The following CLEC1B variants were observed in gnomAD, a reference collection of about 807,000 sequenced individuals.
CLEC1B encodes C-type lectin-like receptor 2.
A neutral mutation model predicts 26.7 loss-of-function variants in CLEC1B; 26 were observed. That is an observed-to-expected ratio of 0.97 (90% confidence interval 0.71 to 1.35). The LOEUF (loss-of-function observed/expected upper bound fraction) is 1.35, where lower values mean the gene tolerates loss of function less well. Among genes scored for constraint, CLEC1B ranks in the 40% most tolerant of loss-of-function variants. CLEC1B has a pLI of 0.00. For missense variants in CLEC1B, 293 were observed against 282.6 expected (o/e 1.04, Z -0.26); for synonymous variants, 112 against 96.0 (o/e 1.17, Z -0.97).
intron 1 of CLEC1B, 107 bp downstream of exon 1, chr12:9,998,930 A>G: frequency 3.0e-6 from 2 of 668,902 alleles, no homozygotes; most frequent in Non-Finnish European, 5.0e-6. Flanking sequence ...ACATCATTCA[A>G]GAAAAAGAAA....
Position 9,995,215 on chromosome 12 carries a change from C to A in CLEC1B, c.470G>T (p.Arg157Leu). Reference protein sequence around the residue: ...EYIKARTHLIRWVGLSRQKSN... With the variant: ...EYIKARTHLILWVGLSRQKSN... ...CTTCTGGCGAGATAATCCGACCCAA[C>A]GAATTAAATGAGTCCTGGCTTTGAT... The change falls in exon 5 of 6, where the codon CGT (arginine) becomes CTT (leucine). Residue 157 changes from arginine (R) to leucine (L), a missense_variant. Coordinates refer to ENST00000298527, the MANE Select transcript of CLEC1B (RefSeq NM_016509.4). The A allele has an allele frequency of 1.9e-6, 3 of 1,612,956 alleles. No homozygotes were observed. Among genetic ancestry groups the A allele is most frequent in the Non-Finnish European group, 2.5e-6 (3 of 1,179,132 alleles).
intron 4 of CLEC1B, 130 bp from the exon 5 acceptor site, chr12:9,995,376 A>T: frequency 1.3e-6 from 1 of 782,190 alleles, no homozygotes. Flanking sequence ...TTAATGGATT[A>T]CATTTGATGT....
At chr12:9,994,559 A>G (rs922656031) in intron 5 of CLEC1B, among the ~76,000 whole-genome samples, 1 of 151,996 alleles carries the variant, frequency 6.6e-6, no homozygotes, top group Non-Finnish European at 1.5e-5. Flanking sequence ...ATAGGAAGCA[A>G]CTCCACTCAA....
Position 9,997,275 on chromosome 12 carries a change from G to A in CLEC1B, c.168C>T (p.Val56=), listed in dbSNP as rs537562078. 8 of 1,609,580 alleles carry A rather than the reference G, an allele frequency of 5.0e-6. No homozygotes were observed. In the South Asian group the frequency reaches 5.5e-5, roughly 11 times the overall value. ...VGLVALGIWS[V]MQRNYLQGEN... Reference sequence around the variant, plus strand: ...CACCTTGTAGGTAATTGCGCTGCATGACAGCTAGGTTTAAAAAGTAAATAA... The same window carrying A: ...CACCTTGTAGGTAATTGCGCTGCATAACAGCTAGGTTTAAAAAGTAAATAA... The change falls in exon 3 of 6, where the codon GTC becomes GTT. Residue 56 remains valine (V), a synonymous_variant. Coordinates refer to ENST00000298527, the MANE Select transcript of CLEC1B (RefSeq NM_016509.4).
chr12:10,001,842 T>C (rs983371586), upstream of CLEC1B, among the ~76,000 whole-genome samples: 1 of 152,128 alleles, frequency 6.6e-6, no homozygotes, highest in Non-Finnish European at 1.5e-5. Context: ...TCTCTTCTCC[T>C]TTTCTTCACT....
At chr12:10,000,978 T>C (rs1018175831), upstream of CLEC1B, among the ~76,000 whole-genome samples, 6 of 152,098 alleles carry the variant, frequency 3.9e-5, no homozygotes, top group African/African-American at 1.4e-4. Context: ...TGTGTGGAGG[T>C]TATAGTACAA....
At chr12:9,995,514 AC>A (rs1865022020) in intron 4 of CLEC1B, 1 of 393,356 alleles carries the variant, frequency 2.5e-6, no homozygotes, top group African/African-American at 2.1e-5. Flanking sequence ...TAGATCTTCA[AC>A]CAGTTGAGGA....
chr12:9,996,846 C>T lies in CLEC1B; in HGVS notation c.438G>A (p.Val146=), dbSNP rs1157235583. 1 of 1,613,928 alleles carries T rather than the reference C, an allele frequency of 6.2e-7. No individual in the cohort carries two copies. Among genetic ancestry groups the T allele is most frequent in the East Asian group, 2.2e-5 (1 of 44,876 alleles). ...TLLKIDNRNI[V]EYIKARTHLI... is the part of the protein sequence containing the mutation. ...ATATTTGACATAAGAATCTTCTTAC[C>T]ACAATGTTCCGGTTGTCAATCTTCA... The change falls in exon 4 of 6, where the codon GTG becomes GTA. Residue 146 remains valine, a splice_region_variant and synonymous_variant. Transcript: ENST00000298527.
chr12:9,998,689 A>G (rs548847867), intron 1 of CLEC1B, among the ~76,000 whole-genome samples: 25 of 151,504 alleles, frequency 1.7e-4, no homozygotes, highest in African/African-American at 5.3e-4. Context: ...ATGCTCACCC[A>G]TGCCATAAAT....
At chr12:9,997,974 A>G (rs376260779) in intron 2 of CLEC1B, among the ~76,000 whole-genome samples, 1 of 32,212 alleles carries the variant, frequency 3.1e-5, no homozygotes, top group African/African-American at 9.3e-5. Context: ...GTTCTTAGGA[A>G]TGCAAGATAG....
chr12:9,995,386 T>C (rs576458927), intron 4 of CLEC1B, 140 bp from the exon 5 acceptor site: 4 of 751,942 alleles, frequency 5.3e-6, no homozygotes, highest in Non-Finnish European at 7.1e-6. Context: ...ACATTTGATG[T>C]TTGAAATTGT....
Position 9,993,416 on chromosome 12 carries a change from A to AC in CLEC1B, c.546-130_546-129insG, listed in dbSNP as rs67232026. 182 of 551,760 alleles carry AC rather than the reference A, an allele frequency of 3.3e-4. 1 individual carries two copies. The highest frequency in any genetic ancestry group is 2.7e-3 in the South Asian group (140 of 52,084). 34.2% of individuals were successfully genotyped at this position (551,760 alleles called of 1,614,324 possible). A position where few individuals can be genotyped will look rare whatever the true frequency, so the allele number is the denominator to read the frequency against. On this transcript the variant is annotated intron_variant, in intron 5 of 5. Transcript: ENST00000298527. Reference sequence around the variant, plus strand: ...AATAGGAAAAAAAAACAAAAAAAAAAACGATTCTCATTGTTGAGAAAGTTC... The same window carrying AC: ...AATAGGAAAAAAAAACAAAAAAAAAACACGATTCTCATTGTTGAGAAAGTTC...
At chr12:9,995,504 T>C (rs999668639) in intron 4 of CLEC1B, 12 of 405,854 alleles carry the variant, frequency 3.0e-5, no homozygotes, top group Non-Finnish European at 4.7e-5. Flanking sequence ...AACATGTATT[T>C]AGATCTTCAA....
intron 5 of CLEC1B, 129 bp from the exon 6 acceptor site, chr12:9,993,416 A>C (rs111589963): frequency 3.6e-6 from 2 of 551,760 alleles, no homozygotes; most frequent in Admixed American, 4.0e-5. Flanking sequence ...CAAAAAAAAA[A>C]ACGATTCTCA....
chr12:9,999,264 A>T, upstream of CLEC1B: 1 of 508,650 alleles, frequency 2.0e-6, no homozygotes, highest in African/African-American at 1.9e-5. Context: ...ATTGTTTTCC[A>T]GGAAGCTTCT....
In CLEC1B at chr12:9,997,990, G is replaced by A. The variant is rs184872031; in HGVS notation, c.163+292C>T. ...TTCTTAGGAATGCAAGATAGGAAAA[G>A]GGATGAAAAAGTTTTTAAAAATAGT... On this transcript the variant is annotated intron_variant, in intron 2 of 5. Transcript: ENST00000298527. 7.9e-5 allele frequency among the ~76,000 whole-genome samples: 12 copies of A among 152,214 alleles called. No homozygotes were observed. In the East Asian group the frequency reaches 2.3e-3, roughly 29 times the overall value.
intron 5 of CLEC1B, among the ~76,000 whole-genome samples, chr12:9,994,094 T>A (rs1212228313): frequency 6.6e-6 from 1 of 152,068 alleles, no homozygotes; most frequent in Non-Finnish European, 1.5e-5. Flanking sequence ...TAAGGGAGGC[T>A]AATTTAGTTT....
In CLEC1B at chr12:9,996,931, C is replaced by G. The variant is rs1312004402; in HGVS notation, c.353G>C (p.Arg118Thr). 6.2e-7 allele frequency: 1 copy of G among 1,614,094 alleles called. No individual in the cohort carries two copies. The highest frequency in any genetic ancestry group is 1.1e-5 in the South Asian group (1 of 91,084). Residue 118 changes from arginine to threonine, a missense_variant, in exon 4 of 6, where the codon AGG becomes ACG. Transcript: ENST00000298527. ...ACTCTCTTCCCATGTTAAGTTGTGCCTGAAGAACCCATAGCAGCTATCTCC... is the reference window on the plus strand; with the variant it reads ...ACTCTCTTCCCATGTTAAGTTGTGCGTGAAGAACCCATAGCAGCTATCTCC... ...YYGDSCYGFF[R>T]HNLTWEESKQ...
chr12:9,994,926 A>G, intron 5 of CLEC1B: 1 of 1,269,026 alleles, frequency 7.9e-7, no homozygotes, highest in Admixed American at 2.3e-5. Context: ...AATATCAGAG[A>G]TAAAGGTGGA....
Sources: allele counts gnomAD v4.1 joint callset (sites outside exome capture counted in the v4.1 genomes callset), GRCh38; gene constraint gnomAD v4.1.1; transcripts MANE v1.5; gene names NCBI Gene and HGNC (gene_info 2026-07-23, HGNC 2026-07-21).